The following MINDY2 variants were observed in gnomAD, a reference collection of about 807,000 sequenced individuals.
The protein encoded by MINDY2 is MINDY lysine 48 deubiquitinase 2, also known as ubiquitin carboxyl-terminal hydrolase MINDY-2.
In MINDY2, 52 loss-of-function variants were observed where a neutral mutation model predicts 68.2. The ratio of observed to expected loss-of-function variants is 0.76; its 90% CI spans 0.61 to 0.96. MINDY2 has a LOEUF of 0.96. Among genes scored for constraint, MINDY2 ranks in the 40% least tolerant of loss-of-function variants. MINDY2 has a pLI of 0.00. For synonymous variants in MINDY2, 372 were observed against 303.0 expected, an observed-to-expected ratio of 1.23 and a Z score of -2.36; for missense variants, 881 against 773.4, an observed-to-expected ratio of 1.14 and a Z score of -1.65.
At position 58,860,711 on chromosome 15, in the gene MINDY2, A is replaced by T. The variant is rs2033196129; in HGVS notation, c.*6101A>T. ...AACTAATGCAATGTGTTTTTTAAAAATTTTTAATGAACCTTACATTGTGAA... is the reference window on the plus strand; with the variant it reads ...AACTAATGCAATGTGTTTTTTAAAATTTTTTAATGAACCTTACATTGTGAA... On this transcript the variant is annotated 3_prime_UTR_variant, in exon 9 of 9. Transcript: ENST00000559228. 1 of 152,164 alleles carries T rather than the reference A, an allele frequency of 6.6e-6. No individual in the cohort carries two copies. The allele number at this position is 152,164 out of a possible 1,614,324, so 9.4% of individuals were successfully genotyped here.
intron 1 of MINDY2, among the ~76,000 whole-genome samples, chr15:58,780,452 T>G (rs1217930086): frequency 1.3e-5 from 2 of 151,438 alleles, no homozygotes; most frequent in Non-Finnish European, 2.9e-5. Flanking sequence ...AAATAACTAG[T>G]CCAAGGTAAG....
chr15:58,792,611 GA>G (rs1226896548), intron 2 of MINDY2, among the ~76,000 whole-genome samples: 7 of 151,430 alleles, frequency 4.6e-5, no homozygotes, highest in Middle Eastern at 3.4e-3. Flanking sequence ...GTCTCAGGGG[GA>G]AAAAAAGAAA....
intron 8 of MINDY2, among the ~76,000 whole-genome samples, chr15:58,853,021 C>T (rs1009437308): frequency 5.6e-5 from 2 of 35,556 alleles, no homozygotes; most frequent in African/African-American, 1.1e-4. Flanking sequence ...GGCGCAGTCT[C>T]GCTCATTGCC....
chr15:58,789,936 C>A (rs907132196), intron 2 of MINDY2, among the ~76,000 whole-genome samples: 1 of 151,640 alleles, frequency 6.6e-6, no homozygotes, highest in East Asian at 1.9e-4. Flanking sequence ...CGTGAGCCAC[C>A]GTGCCTGGTT....
chr15:58,852,940 T>G (rs202084928), intron 8 of MINDY2, among the ~76,000 whole-genome samples: 7,388 of 25,986 alleles, frequency 0.28, 71 homozygotes, highest in South Asian at 0.43. Context: ...TTTTTTTTTT[T>G]TTTTTTTTTT....
At chr15:58,827,205 T>G (rs564703397) in intron 5 of MINDY2, among the ~76,000 whole-genome samples, 10 of 152,338 alleles carry the variant, frequency 6.6e-5, no homozygotes, top group African/African-American at 2.4e-4. Context: ...TGTAAAGATG[T>G]CCTTTTCCCT....
At position 58,831,039 on chromosome 15, in the gene MINDY2, G is replaced by GTATATA. The variant is rs1247362730; in HGVS notation, c.1226-734_1226-733insATATAT. Among the ~76,000 whole-genome samples the GTATATA allele has an allele frequency of 1.1e-3, 124 of 109,592 alleles. 1 individual carries two copies. The highest frequency in any genetic ancestry group is 3.7e-3 in the African/African-American group (91 of 24,788). The allele number at this position is 109,592 out of a possible 152,430, so 71.9% of individuals were successfully genotyped here. ...GTTGTGTGTGTGTGTGTGTGTGTGT[G>GTATATA]TGTATATATATATATATATATGTTT... On this transcript the variant is annotated intron_variant, in intron 5 of 8. Transcript: ENST00000559228.
intron 3 of MINDY2, among the ~76,000 whole-genome samples, chr15:58,806,038 C>T (rs1003656939): frequency 1.7e-4 from 26 of 152,216 alleles, no homozygotes; most frequent in African/African-American, 6.0e-4. Context: ...CACGCCACTG[C>T]ACTCCAGCCC....
rs748361834 is a variant in MINDY2, at chr15:58,772,196, C to G, written c.801C>G (p.Pro267=). 1 of 1,613,376 alleles carries G rather than the reference C, an allele frequency of 6.2e-7. No individual in the cohort carries two copies. The highest frequency in any genetic ancestry group is 8.5e-7 in the Non-Finnish European group (1 of 1,180,030). Residue 267 remains proline, a synonymous_variant, in exon 1 of 9, where the codon CCC becomes CCG. Coordinates refer to ENST00000559228, the MANE Select transcript of MINDY2 (RefSeq NM_001040450.3). ...CCCAGAATGAGAACGGACCCTGCCC[C>G]TTGCTGGCCATCCTCAATGTTTTGC... ...IITQNENGPC[P]LLAILNVLLL...
At position 58,771,713 on chromosome 15, in the gene MINDY2, C is replaced by T. The variant is rs376666617; in HGVS notation, c.318C>T (p.Tyr106=). ...AAAEAPLRGQ[Y]KVTASPETAV... ...CCGAGGCGCCTCTGAGAGGGCAGTACAAGGTGACCGCCTCCCCGGAGACAG... is the reference window on the plus strand; with the variant it reads ...CCGAGGCGCCTCTGAGAGGGCAGTATAAGGTGACCGCCTCCCCGGAGACAG... Residue 106 remains tyrosine (Y), a synonymous_variant, in exon 1 of 9, where the codon TAC becomes TAT. Coordinates refer to ENST00000559228, the MANE Select transcript of MINDY2 (RefSeq NM_001040450.3). 6.8e-5 allele frequency: 109 copies of T among 1,612,080 alleles called. No individual in the cohort carries two copies. Among genetic ancestry groups the T allele is most frequent in the Non-Finnish European group, 8.9e-5 (105 of 1,179,752 alleles).
At position 58,856,435 on chromosome 15, in the gene MINDY2, G is replaced by A. The variant is rs543490151; in HGVS notation, c.*1825G>A. 10 of 152,720 alleles carry A rather than the reference G, an allele frequency of 6.5e-5. No individual in the cohort carries two copies. The South Asian group carries it at 1.9e-3, about 28-fold the overall frequency. 9.5% of individuals were successfully genotyped at this position (152,720 alleles called of 1,614,324 possible). ...TTCTAAGGGAAAAATCCAGGGTCAA[G>A]CTGTATCTTTTATGTCCTTTATATT... On this transcript the variant is annotated 3_prime_UTR_variant, in exon 9 of 9. Coordinates refer to ENST00000559228, the MANE Select transcript of MINDY2 (RefSeq NM_001040450.3).
intron 2 of MINDY2, among the ~76,000 whole-genome samples, chr15:58,791,226 T>TATATATATATAC (rs1362960339): frequency 2.8e-4 from 6 of 21,472 alleles, no homozygotes; most frequent in Admixed American, 6.1e-4. Flanking sequence ...TATATATATA[T>TATATATATATAC]ATATATATAT....
At chr15:58,843,426 C>T (rs939497686) in intron 6 of MINDY2, among the ~76,000 whole-genome samples, 3 of 152,292 alleles carry the variant, frequency 2.0e-5, no homozygotes, top group Middle Eastern at 3.4e-3. Context: ...GCTAGGATTA[C>T]AGGCGTGAGC....
At chr15:58,840,637 A>C (rs1478399291) in intron 6 of MINDY2, among the ~76,000 whole-genome samples, 2 of 96,950 alleles carry the variant, frequency 2.1e-5, no homozygotes, top group South Asian at 3.2e-4. Flanking sequence ...ACTTATTATT[A>C]TTATTATTAT....
intron 4 of MINDY2, chr15:58,815,356 T>G (rs2030608308): frequency 6.6e-6 from 1 of 152,178 alleles, no homozygotes; most frequent in Non-Finnish European, 1.5e-5. Flanking sequence ...TTGTTTTTGT[T>G]TTTTGTTTTT....
At chr15:58,847,024 C>T (rs1208310936) in intron 6 of MINDY2, among the ~76,000 whole-genome samples, 1 of 152,024 alleles carries the variant, frequency 6.6e-6, no homozygotes, top group East Asian at 1.9e-4. Context: ...ATAAACCCCC[C>T]CAAAGGTGTT....
intron 1 of MINDY2, among the ~76,000 whole-genome samples, chr15:58,778,627 CCTTTTTTT>C (rs1595698437): frequency 6.6e-6 from 1 of 151,054 alleles, no homozygotes; most frequent in African/African-American, 2.4e-5. Context: ...GGGCTAATTT[CCTTTTTTT>C]CTTTTTTTTG....
chr15:58,818,196 A>AT (rs2030827219), intron 4 of MINDY2, among the ~76,000 whole-genome samples: 1 of 152,136 alleles, frequency 6.6e-6, no homozygotes, highest in Non-Finnish European at 1.5e-5. Flanking sequence ...GTGTCTGTAG[A>AT]TTCTCTAGTG....
At chr15:58,787,457 G>T (rs554634258) in intron 1 of MINDY2, among the ~76,000 whole-genome samples, 1 of 152,122 alleles carries the variant, frequency 6.6e-6, no homozygotes, top group African/African-American at 2.4e-5. Flanking sequence ...CTGGTTATAG[G>T]CTGGGTGCAG....
Sources: gnomAD v4.1 joint callset for allele counts (sites outside exome capture counted in the v4.1 genomes callset) on GRCh38, gnomAD v4.1.1 for gene constraint, MANE v1.5 for transcripts, NCBI Gene and HGNC (gene_info 2026-07-23, HGNC 2026-07-21) for gene names.